Variants in RALGAPA2 observed in about 807,000 individuals in gnomAD.
The protein encoded by RALGAPA2 is Ral GTPase activating protein catalytic subunit alpha 2.
A neutral mutation model predicts 230.4 loss-of-function variants in RALGAPA2; 139 were observed. The observed-to-expected ratio is 0.60, with a 90% CI of 0.53 to 0.69. The LOEUF (loss-of-function observed/expected upper bound fraction) is 0.69, where lower values mean the gene tolerates loss of function less well. RALGAPA2 is among the 30% of genes least tolerant of loss of function. The pLI is 0.00. For synonymous variants in RALGAPA2, 847 were observed against 837.8 expected, an observed-to-expected ratio of 1.01 and a Z score of -0.19; for missense variants, 2,163 against 2,276.0, an observed-to-expected ratio of 0.95 and a Z score of 1.01.
Position 20,619,415 on chromosome 20 carries a change from C to A in RALGAPA2, c.1402-1G>T, listed in dbSNP as rs6075682. The A allele has an allele frequency of 1.3e-6, 2 of 1,593,974 alleles. No individual in the cohort carries two copies. The highest frequency in any genetic ancestry group is 1.7e-6 in the Non-Finnish European group (2 of 1,168,072). Reference sequence around the variant, plus strand: ...TATGACCAGAACTTTCAGATGAGGCCTTCAGAAGATAATGATCCATTAACA... The same window carrying A: ...TATGACCAGAACTTTCAGATGAGGCATTCAGAAGATAATGATCCATTAACA... On this transcript the variant is annotated splice_acceptor_variant, in intron 11 of 39. Coordinates refer to ENST00000202677, the MANE Select transcript of RALGAPA2 (RefSeq NM_020343.4). LOFTEE classifies it high-confidence loss of function.
chr20:20,704,159 TCCC>T (rs1209896944), intron 1 of RALGAPA2, among the ~76,000 whole-genome samples: 3 of 152,044 alleles, frequency 2.0e-5, no homozygotes, highest in Non-Finnish European at 4.4e-5. Flanking sequence ...TCCCTCCATG[TCCC>T]CATCATCTAG....
intron 16 of RALGAPA2, among the ~76,000 whole-genome samples, chr20:20,601,023 C>G (rs2065627848): frequency 6.6e-6 from 1 of 151,996 alleles, no homozygotes; most frequent in African/African-American, 2.4e-5. Context: ...TTGCTTGAAC[C>G]CGGAAGGCAG....
At chr20:20,451,850 C>T (rs1278638716) in intron 37 of RALGAPA2, among the ~76,000 whole-genome samples, 1 of 152,102 alleles carries the variant, frequency 6.6e-6, no homozygotes, top group Non-Finnish European at 1.5e-5. Context: ...TTAAGTGGGC[C>T]TTATTTAGTA....
intron 2 of RALGAPA2, among the ~76,000 whole-genome samples, chr20:20,677,652 TTTTTTTTTTG>T (rs2068380326): frequency 7.5e-6 from 1 of 133,652 alleles, no homozygotes; most frequent in Admixed American, 7.4e-5. Context: ...TTTTTTTTTT[TTTTTTTTTTG>T]AGATGGAGTC....
chr20:20,643,986 A>G (rs542898467), intron 4 of RALGAPA2, among the ~76,000 whole-genome samples: 20 of 152,310 alleles, frequency 1.3e-4, no homozygotes, highest in South Asian at 2.1e-4. Context: ...TGGTCCATCA[A>G]TAAATCCTCT....
At chr20:20,527,116 A>G (rs2063226241) in intron 27 of RALGAPA2, among the ~76,000 whole-genome samples, 1 of 152,128 alleles carries the variant, frequency 6.6e-6, no homozygotes, top group South Asian at 2.1e-4. Context: ...ACATGGGGCT[A>G]CACCATTATC....
intron 23 of RALGAPA2, among the ~76,000 whole-genome samples, chr20:20,551,549 C>T (rs2063925093): frequency 6.6e-6 from 1 of 152,188 alleles, no homozygotes; most frequent in Admixed American, 6.5e-5. Flanking sequence ...CTGGTGAGAA[C>T]ATCTGTCTCT....
intron 37 of RALGAPA2, among the ~76,000 whole-genome samples, chr20:20,465,214 G>T (rs942679339): frequency 7.9e-5 from 8 of 101,630 alleles, no homozygotes; most frequent in Admixed American, 2.0e-4. Flanking sequence ...CATACTAGGG[G>T]ACAGCAGCAG....
intron 35 of RALGAPA2, among the ~76,000 whole-genome samples, chr20:20,497,567 T>C (rs2062244863): frequency 6.6e-6 from 1 of 152,218 alleles, no homozygotes; most frequent in African/African-American, 2.4e-5. Flanking sequence ...GGTGCTCTAG[T>C]ATCTGTGATA....
At chr20:20,427,417 G>A (rs1255558517) in intron 37 of RALGAPA2, among the ~76,000 whole-genome samples, 1 of 151,854 alleles carries the variant, frequency 6.6e-6, no homozygotes, top group Non-Finnish European at 1.5e-5. Context: ...GGGTGGGAGC[G>A]TCTGCAGCAC....
At position 20,591,296 on chromosome 20, in the gene RALGAPA2, T is replaced by G. The variant is rs114385605; in HGVS notation, c.2222A>C (p.Gln741Pro). ...QKATEVEECQ[Q>P]SENAPAAGSG... The stretch of plus-strand genomic sequence containing the variant: ...TCCGGCTGCAGGTGCATTTTCTGAC[T>G]GTTGACACTCCTCCACTTCTGTGAG... The change falls in exon 17 of 40, where the codon CAG (glutamine) becomes CCG (proline). Residue 741 changes from glutamine (Q) to proline (P), a missense_variant. Physicochemically the swap from Gln to Pro is moderately conservative, Grantham distance 76. Coordinates refer to ENST00000202677, the MANE Select transcript of RALGAPA2 (RefSeq NM_020343.4). 3.7e-6 allele frequency: 6 copies of G among 1,613,886 alleles called. No individual in the cohort carries two copies. Among genetic ancestry groups the G allele is most frequent in the Non-Finnish European group, 5.1e-6 (6 of 1,179,812 alleles).
At chr20:20,676,771 C>G (rs553711542) in intron 2 of RALGAPA2, among the ~76,000 whole-genome samples, 6 of 152,276 alleles carry the variant, frequency 3.9e-5, no homozygotes, top group Admixed American at 3.9e-4. Flanking sequence ...ATTTTCGGTC[C>G]TCTCTGTGTA....
intron 37 of RALGAPA2, among the ~76,000 whole-genome samples, chr20:20,453,540 C>T (rs372353263): frequency 3.3e-5 from 5 of 152,056 alleles, no homozygotes; most frequent in Admixed American, 2.0e-4. Context: ...GGCTCTTTTC[C>T]GCTGAAAGTC....
chr20:20,712,267 CATCCCCCTCCCCAGCCTCCCAG>C lies in RALGAPA2; in HGVS notation c.106+86_106+107del. 1.3e-6 allele frequency: 1 copy of C among 768,304 alleles called. No homozygotes were observed. Among genetic ancestry groups the C allele is most frequent in the Non-Finnish European group, 1.9e-6 (1 of 517,910 alleles). The allele number at this position is 768,304 out of a possible 1,614,324, so 47.6% of individuals were successfully genotyped here. On this transcript the variant is annotated intron_variant, in intron 1 of 39. Coordinates refer to ENST00000202677, the MANE Select transcript of RALGAPA2 (RefSeq NM_020343.4). The surrounding 1 kb of genome is among the most constrained non-coding windows in gnomAD (Gnocchi z 5.5). ...CAGGGAAGGGGGTCGGACGCCCACC[CATCCCCCTCCCCAGCCTCCCAG>C]CCACCGACCCCTGCACAGAGGAGCG...
intron 37 of RALGAPA2, among the ~76,000 whole-genome samples, chr20:20,415,364 G>GC (rs1469535347): frequency 2.0e-5 from 3 of 152,158 alleles, no homozygotes; most frequent in Non-Finnish European, 4.4e-5. Flanking sequence ...ACTAGCCATG[G>GC]CCCTTTTGTT....
At position 20,586,142 on chromosome 20, in the gene RALGAPA2, C is replaced by T. The variant is rs969861916; in HGVS notation, c.2440-1187G>A. ...TTCTAACTATATGAGAGACACAATA[C>T]CTCCCAGCCATAGAACCAGATCCTA... is the stretch of plus-strand genomic sequence containing the variant. On this transcript the variant is annotated intron_variant, in intron 18 of 39. Transcript: ENST00000202677. Among the ~76,000 whole-genome samples the T allele has an allele frequency of 9.6e-4, 146 of 152,240 alleles. 1 individual carries two copies. Among genetic ancestry groups the T allele is most frequent in the Non-Finnish European group, 8.8e-4 (60 of 68,014 alleles).
At chr20:20,655,438 G>A (rs1007242420) in intron 3 of RALGAPA2, among the ~76,000 whole-genome samples, 2 of 152,118 alleles carry the variant, frequency 1.3e-5, no homozygotes, top group African/African-American at 4.8e-5. Context: ...TGGAAATGAG[G>A]ACACTTGAGC....
At chr20:20,652,810 T>G (rs777123851) in intron 4 of RALGAPA2, among the ~76,000 whole-genome samples, 1 of 152,162 alleles carries the variant, frequency 6.6e-6, no homozygotes, top group Non-Finnish European at 1.5e-5. Context: ...GCTGTGGTAA[T>G]TTGCTTTATT....
chr20:20,629,977 G>A (rs2066617076), intron 9 of RALGAPA2, among the ~76,000 whole-genome samples: 1 of 152,208 alleles, frequency 6.6e-6, no homozygotes, highest in Admixed American at 6.5e-5. Context: ...ACAGAGATTG[G>A]AATATTCAGG....
Sources: gnomAD v4.1 joint callset for allele counts (sites outside exome capture counted in the v4.1 genomes callset) on GRCh38, gnomAD v4.1.1 for gene constraint, Gnocchi (gnomAD v3.1) non-coding constraint, MANE v1.5 for transcripts, NCBI Gene and HGNC (gene_info 2026-07-23, HGNC 2026-07-21) for gene names.